Variants in CYLC2 observed in about 807,000 individuals in gnomAD.
The protein encoded by CYLC2 is cylicin-2.
A neutral mutation model predicts 26.1 loss-of-function variants in CYLC2; 30 were observed. The ratio of observed to expected loss-of-function variants is 1.15; its 90% CI spans 0.86 to 1.56. The LOEUF is 1.56. Ranked by LOEUF, CYLC2 falls within the 40% of genes most tolerant of loss-of-function variation. The probability of loss-of-function intolerance (pLI) is 0.00; values close to 1 mark genes in which losing one functional copy is unlikely to be tolerated. For synonymous variants in CYLC2, 158 were observed against 132.8 expected, an observed-to-expected ratio of 1.19 and a Z score of -1.31; for missense variants, 498 against 394.4, an observed-to-expected ratio of 1.26 and a Z score of -2.23.
In CYLC2 at chr9:103,004,775, A is replaced by C. The variant is rs1587851764; in HGVS notation, c.261A>C (p.Arg87Ser). ...MYRSLMRISERPSVYLAARRQ... is the reference protein window; with the variant it reads ...MYRSLMRISESPSVYLAARRQ... ...GTTCTTTAATGAGAATTTCTGAGAG[A>C]CCATCTGTTTATTTAGCTGCCAGGA... The change falls in exon 4 of 8, where the codon AGA (arginine) becomes AGC (serine). Residue 87 changes from arginine (R) to serine (S), a missense_variant. Physicochemically the swap from Arg to Ser is moderately radical, Grantham distance 110. Transcript: ENST00000374798. 6 of 1,612,610 alleles carry C rather than the reference A, an allele frequency of 3.7e-6. No homozygotes were observed. Among genetic ancestry groups the C allele is most frequent in the Non-Finnish European group, 4.2e-6 (5 of 1,179,230 alleles).
At chr9:103,002,360 T>C (rs979337285) in intron 2 of CYLC2, among the ~76,000 whole-genome samples, 570 of 11,824 alleles carry the variant, frequency 0.048, 9 homozygotes, top group African/African-American at 0.15. Flanking sequence ...TTGCCCCCTT[T>C]TTTTTTTTTT....
At chr9:102,996,762 A>G (rs1464884547) in intron 1 of CYLC2, among the ~76,000 whole-genome samples, 10 of 151,882 alleles carry the variant, frequency 6.6e-5, no homozygotes, top group Admixed American at 6.6e-4. Context: ...GATAAAGAAA[A>G]TTTTTCTGTT....
rs923272359 is a variant in CYLC2, at chr9:103,014,864, A to ATATGTAATATACTATGTATAT, written c.*817-2011_*817-1991dup. ...ATGTATATTATGCAATATACATAAT[A>ATATGTAATATACTATGTATAT]TATGTAATATACTATGTATATTATG... is the stretch of plus-strand genomic sequence containing the variant. On this transcript the variant is annotated intron_variant, in intron 6 of 7. Transcript: ENST00000374798. Among the ~76,000 whole-genome samples the ATATGTAATATACTATGTATAT allele has an allele frequency of 1.1e-4, 14 of 129,340 alleles. No homozygotes were observed. The South Asian group carries it at 3.7e-3, about 34-fold the overall frequency. 84.9% of individuals were successfully genotyped at this position (129,340 alleles called of 152,430 possible).
chr9:103,013,662 TA>T (rs1829445180), intron 6 of CYLC2, among the ~76,000 whole-genome samples: 1 of 111,178 alleles, frequency 9.0e-6, no homozygotes, highest in African/African-American at 3.7e-5. Flanking sequence ...ATAAATATAT[TA>T]TATTAAATAA....
chr9:103,001,724 T>A, intron 2 of CYLC2, 106 bp downstream of exon 2: 1 of 700,942 alleles, frequency 1.4e-6, no homozygotes, highest in Non-Finnish European at 2.4e-6. Flanking sequence ...GGAATAAAAT[T>A]GATAATTAAC....
intron 1 of CYLC2, among the ~76,000 whole-genome samples, chr9:102,998,283 G>T (rs1255805884): frequency 2.0e-5 from 3 of 151,866 alleles, no homozygotes; most frequent in Non-Finnish European, 4.4e-5. Flanking sequence ...CTTAGGTTAA[G>T]TCATTAAATT....
intron 2 of CYLC2, among the ~76,000 whole-genome samples, chr9:103,002,853 T>G (rs77411863): frequency 6.6e-4 from 100 of 152,248 alleles, no homozygotes; most frequent in African/African-American, 2.2e-3. Context: ...CTGGAAGAGA[T>G]AGATTTAAAA....
In CYLC2 at chr9:103,006,061, C is replaced by CACACACACAA. The variant is rs1554712909; in HGVS notation, c.*392_*393insAACACACACA. ...ACACACACACACACACACACACACA[C>CACACACACAA]ACACACACACAGTTTAATGAAGGCT... is the stretch of plus-strand genomic sequence containing the variant. On this transcript the variant is annotated 3_prime_UTR_variant, in exon 5 of 8. Transcript: ENST00000374798. The CACACACACAA allele has an allele frequency of 1.5e-4, 20 of 134,966 alleles. No individual in the cohort carries two copies. The highest frequency in any genetic ancestry group is 6.1e-4 in the African/African-American group (20 of 32,606). The allele number at this position is 134,966 out of a possible 1,614,324, so 8.4% of individuals were successfully genotyped here.
chr9:103,003,454 C>T (rs185090536), intron 3 of CYLC2, among the ~76,000 whole-genome samples, 191 bp downstream of exon 3: 22 of 152,080 alleles, frequency 1.4e-4, no homozygotes, highest in South Asian at 4.2e-4. Flanking sequence ...TATTTATCTC[C>T]GTAGTCCAAT....
At chr9:103,003,402 T>C in intron 3 of CYLC2, 139 bp downstream of exon 3, 2 of 761,704 alleles carry the variant, frequency 2.6e-6, no homozygotes, top group Non-Finnish European at 4.0e-6. Context: ...TTGTATGTGT[T>C]ATAGATCAAA....
At chr9:103,000,980 T>C (rs1364407669) in intron 1 of CYLC2, among the ~76,000 whole-genome samples, 1 of 152,018 alleles carries the variant, frequency 6.6e-6, no homozygotes. Flanking sequence ...ATATAGTTTC[T>C]TTTTCAGATT....
At chr9:103,015,561 A>G (rs1307975456) in intron 6 of CYLC2, among the ~76,000 whole-genome samples, 2 of 143,762 alleles carry the variant, frequency 1.4e-5, no homozygotes, top group Non-Finnish European at 3.0e-5. Flanking sequence ...AAATATATGT[A>G]TATATACATA....
chr9:103,001,583 G>C lies in CYLC2; in HGVS notation c.23G>C (p.Arg8Thr), dbSNP rs776641661. The stretch of plus-strand genomic sequence containing the variant: ...TTTCTTTTTTGTTTTAATAGCCAAA[G>C]AGTAAACTTTGGGCCATATGATAAT... MSLPRFQ[R>T]VNFGPYDNYI... Residue 8 changes from arginine to threonine, a missense_variant, in exon 2 of 8, where the codon AGA (arginine) becomes ACA (threonine). By Grantham distance (71) the Arg-to-Thr change is moderately conservative (BLOSUM62 -1). Transcript: ENST00000374798. 33 of 1,551,364 alleles carry C rather than the reference G, an allele frequency of 2.1e-5. No individual in the cohort carries two copies. The highest frequency in any genetic ancestry group is 1.8e-5 in the Non-Finnish European group (20 of 1,128,456).
chr9:103,001,659 T>G, intron 2 of CYLC2, 41 bp downstream of exon 2: 1 of 1,273,712 alleles, frequency 7.9e-7, no homozygotes, highest in Middle Eastern at 1.9e-4. Context: ...CAGGTGTGCT[T>G]AATTTTATGG....
At position 103,005,845 on chromosome 9, in the gene CYLC2, TA is replaced by T. The variant is rs1829341640; in HGVS notation, c.*172del. The T allele has an allele frequency of 1.4e-6, 1 of 701,296 alleles. No individual in the cohort carries two copies. The allele number at this position is 701,296 out of a possible 1,614,324, so 43.4% of individuals were successfully genotyped here. On this transcript the variant is annotated 3_prime_UTR_variant, in exon 5 of 8. Transcript: ENST00000374798. ...CAAAGGAGAACTCAGCAGAGATTTA[TA>T]AAAATATATAAGAAAGATGTTAAGA...
chr9:102,996,703 T>C (rs1829240942), intron 1 of CYLC2, among the ~76,000 whole-genome samples: 1 of 152,016 alleles, frequency 6.6e-6, no homozygotes, highest in Non-Finnish European at 1.5e-5. Flanking sequence ...TGGCAGAGCC[T>C]TAGTTTTGGA....
At chr9:103,003,026 C>A in intron 2 of CYLC2, 116 bp from the exon 3 acceptor site, 1 of 1,150,552 alleles carries the variant, frequency 8.7e-7, no homozygotes, top group Non-Finnish European at 1.2e-6. Context: ...TAAATGAAGT[C>A]ATAATTTGAA....
intron 5 of CYLC2, among the ~76,000 whole-genome samples, chr9:103,006,661 G>T (rs552991420): frequency 6.6e-6 from 1 of 151,936 alleles, no homozygotes; most frequent in Non-Finnish European, 1.5e-5. Flanking sequence ...TGATCCGCCC[G>T]TCTCGGCCTC....
intron 6 of CYLC2, among the ~76,000 whole-genome samples, chr9:103,013,156 T>TATATATTATGTAAATATATATTTA (rs1829428352): frequency 9.0e-6 from 1 of 111,244 alleles, no homozygotes; most frequent in African/African-American, 3.5e-5. Context: ...CATATATAAA[T>TATATATTATGTAAATATATATTTA]ATATATTATA....
Sources: gnomAD v4.1 joint callset for allele counts (sites outside exome capture counted in the v4.1 genomes callset) on GRCh38, gnomAD v4.1.1 for gene constraint, MANE v1.5 for transcripts, NCBI Gene and HGNC (gene_info 2026-07-23, HGNC 2026-07-21) for gene names.